Variants in TRIM6 observed in about 807,000 individuals in gnomAD.
TRIM6 encodes tripartite motif-containing protein 6.
A neutral mutation model predicts 51.2 loss-of-function variants in TRIM6; 43 were observed. That is an observed-to-expected ratio of 0.84 (90% confidence interval 0.66 to 1.08). TRIM6 has a LOEUF of 1.08. Among genes scored for constraint, TRIM6 ranks in the 50% least tolerant of loss-of-function variants. The pLI, the probability that TRIM6 is intolerant of heterozygous loss-of-function variation, is 0.00. For synonymous variants in TRIM6, 215 were observed against 232.4 expected, an observed-to-expected ratio of 0.93 and a Z score of 0.68; for missense variants, 669 against 619.0, an observed-to-expected ratio of 1.08 and a Z score of -0.86.
Position 5,609,104 on chromosome 11 carries a change from G to A in TRIM6, c.857+710G>A, listed in dbSNP as rs144432553. Among the ~76,000 whole-genome samples, 18 of 152,082 alleles carry A rather than the reference G, an allele frequency of 1.2e-4. No individual in the cohort carries two copies. The East Asian group carries it at 3.5e-3, about 30-fold the overall frequency. ...AAAAACGTAAACCCGAGCTCTGGAG[G>A]ATAATAATTTAGCCCGGGAATCAAA... On this transcript the variant is annotated intron_variant, in intron 5 of 7. Coordinates refer to ENST00000380097, the MANE Select transcript of TRIM6 (RefSeq NM_001003818.3).
rs1383466946 is a variant in TRIM6, at chr11:5,610,862, AG to A, written c.1072del (p.Val358TyrfsTer30). The A allele has an allele frequency of 6.2e-7, 1 of 1,614,184 alleles. No homozygotes were observed. ...RRQVRFVGAK[V>X]SGPSCLEKHY... is the part of the protein sequence containing the mutation. ...GACAAGTGAGGTTTGTGGGAGCTAA[AG>A]TATCTGGACCTTCCTGTCTGGAAAA... On this transcript the variant is annotated frameshift_variant, in exon 8 of 8. Coordinates refer to ENST00000380097, the MANE Select transcript of TRIM6 (RefSeq NM_001003818.3). LOFTEE classifies it low-confidence loss of function (END_TRUNC).
At position 5,611,672 on chromosome 11, in the gene TRIM6, C is replaced by T; in HGVS notation, c.*330C>T. Reference sequence around the variant, plus strand: ...TTCACCGTGTTGGCCAGGCTGATCTCGAACTCCTGACCGCAAGTGATCCAC... The same window carrying T: ...TTCACCGTGTTGGCCAGGCTGATCTTGAACTCCTGACCGCAAGTGATCCAC... On this transcript the variant is annotated 3_prime_UTR_variant, in exon 8 of 8. Coordinates refer to ENST00000380097, the MANE Select transcript of TRIM6 (RefSeq NM_001003818.3). The T allele has an allele frequency of 4.3e-6, 1 of 231,928 alleles. No homozygotes were observed. 14.4% of individuals were successfully genotyped at this position (231,928 alleles called of 1,614,324 possible). A position where few individuals can be genotyped will look rare whatever the true frequency, so the allele number is the denominator to read the frequency against.
intron 4 of TRIM6, among the ~76,000 whole-genome samples, chr11:5,606,996 G>A (rs1346281678): frequency 1.3e-5 from 2 of 152,168 alleles, no homozygotes; most frequent in Non-Finnish European, 2.9e-5. Context: ...GAGGTCAGGA[G>A]ATTGAGACCA....
chr11:5,610,593 C>T, intron 7 of TRIM6, 32 bp downstream of exon 7: 2 of 1,605,200 alleles, frequency 1.2e-6, no homozygotes, highest in African/African-American at 2.7e-5. Context: ...TTTGGGCTGG[C>T]ACATTCTGAT....
At chr11:5,596,983 G>C in intron 1 of TRIM6, 69 bp downstream of exon 1, 3 of 1,610,906 alleles carry the variant, frequency 1.9e-6, no homozygotes, top group Non-Finnish European at 2.5e-6. Context: ...CAGTGAAAGA[G>C]ATAAGGTCCT....
intron 7 of TRIM6, 106 bp from the exon 8 acceptor site, chr11:5,610,671 G>T: frequency 6.4e-7 from 1 of 1,567,028 alleles, no homozygotes; most frequent in Non-Finnish European, 8.7e-7. Context: ...CCCCATCCCC[G>T]CCATATAGTT....
At position 5,596,888 on chromosome 11, in the gene TRIM6, C is replaced by T. The variant is rs770062768; in HGVS notation, c.-10C>T. On this transcript the variant is annotated 5_prime_UTR_variant, in exon 1 of 8. Transcript: ENST00000380097. ...TTACATCTGGAACTTCTTGGCTTCT[C>T]ATTCCCCAGATGTGCGGGTCAGAGA... 4.3e-6 allele frequency: 7 copies of T among 1,613,982 alleles called. No individual in the cohort carries two copies. The highest frequency in any genetic ancestry group is 3.3e-5 in the South Asian group (3 of 91,064).
chr11:5,610,316 C>T, intron 6 of TRIM6, 71 bp downstream of exon 6: 1 of 1,604,388 alleles, frequency 6.2e-7, no homozygotes, highest in Non-Finnish European at 8.5e-7. Flanking sequence ...GGGATAGAGG[C>T]TATAGTCGGT....
intron 1 of TRIM6, among the ~76,000 whole-genome samples, chr11:5,602,028 A>G (rs1847888428): frequency 6.6e-6 from 1 of 152,160 alleles, no homozygotes; most frequent in Non-Finnish European, 1.5e-5. Context: ...GAGGACCTAT[A>G]TGTCAGGCTC....
chr11:5,602,982 AGACAGT>A (rs941824657), intron 1 of TRIM6, among the ~76,000 whole-genome samples: 1 of 152,120 alleles, frequency 6.6e-6, no homozygotes, highest in Admixed American at 6.6e-5. Context: ...AAGATCACAC[AGACAGT>A]GACTCACACA....
At chr11:5,610,325 G>A (rs559723059) in intron 6 of TRIM6, 80 bp downstream of exon 6, 3 of 1,599,854 alleles carry the variant, frequency 1.9e-6, no homozygotes, top group Non-Finnish European at 2.6e-6. Context: ...GCTATAGTCG[G>A]TATTTGAGCA....
intron 1 of TRIM6, among the ~76,000 whole-genome samples, chr11:5,597,759 C>G (rs548107717): frequency 6.6e-6 from 1 of 152,242 alleles, no homozygotes; most frequent in African/African-American, 2.4e-5. Context: ...ATGCAAGCTT[C>G]CATTCTAAAA....
chr11:5,601,747 G>A (rs1263521943), intron 1 of TRIM6, among the ~76,000 whole-genome samples: 1 of 152,196 alleles, frequency 6.6e-6, no homozygotes, highest in Non-Finnish European at 1.5e-5. Context: ...GATAGAGCAA[G>A]ACTCAGTTTC....
intron 1 of TRIM6, among the ~76,000 whole-genome samples, chr11:5,598,321 C>G (rs900967554): frequency 6.6e-6 from 1 of 152,212 alleles, no homozygotes; most frequent in Non-Finnish European, 1.5e-5. Context: ...CAATTTCTTT[C>G]CCAAGCCTCA....
rs1020601574 is a variant in TRIM6 at position 5,604,737 on chromosome 11, G to T, written c.603+108G>T. On this transcript the variant is annotated intron_variant, in intron 3 of 7. Transcript: ENST00000380097. Reference sequence around the variant, plus strand: ...TGTCTGTCCTCTGATGCCATGACTAGAAGAGCTTCCCTTTGCCTGGTCCTC... The same window carrying T: ...TGTCTGTCCTCTGATGCCATGACTATAAGAGCTTCCCTTTGCCTGGTCCTC... 5.4e-5 allele frequency: 65 copies of T among 1,207,324 alleles called. 1 individual carries two copies. Among genetic ancestry groups the T allele is most frequent in the Admixed American group, 2.7e-5 (1 of 37,130 alleles). The allele number at this position is 1,207,324 out of a possible 1,614,324, so 74.8% of individuals were successfully genotyped here.
At chr11:5,601,874 T>A (rs1361604607) in intron 1 of TRIM6, among the ~76,000 whole-genome samples, 2 of 151,948 alleles carry the variant, frequency 1.3e-5, no homozygotes, top group Non-Finnish European at 2.9e-5. Context: ...CGTTAAGAAG[T>A]GGAAGTGTTT....
At chr11:5,610,648 G>A (rs1305958829) in intron 7 of TRIM6, 87 bp downstream of exon 7, 5 of 1,572,546 alleles carry the variant, frequency 3.2e-6, no homozygotes, top group Non-Finnish European at 4.3e-6. Context: ...CAGATCCTAG[G>A]TGTTGATGCC....
upstream of TRIM6, among the ~76,000 whole-genome samples, chr11:5,596,344 A>T (rs1370495256): frequency 1.3e-5 from 2 of 152,068 alleles, no homozygotes; most frequent in African/African-American, 4.8e-5. Context: ...GGGAGCACAG[A>T]AGAGGCACCT....
At position 5,596,910 on chromosome 11, in the gene TRIM6, G is replaced by A; in HGVS notation, c.13G>A (p.Glu5Lys). 1 of 1,614,130 alleles carries A rather than the reference G, an allele frequency of 6.2e-7. No individual in the cohort carries two copies. The highest frequency in any genetic ancestry group is 1.7e-5 in the Admixed American group (1 of 60,022). The change falls in exon 1 of 8, where the codon GAG becomes AAG. Residue 5 changes from glutamate to lysine, a missense_variant. Transcript: ENST00000380097. ...TCTCATTCCCCAGATGTGCGGGTCA[G>A]AGAGGTATGTCTACCGTTCTGTTGA... MCGSERILQAGNILE... is the reference protein window; with the variant it reads MCGSKRILQAGNILE...
Sources: allele counts gnomAD v4.1 joint callset (sites outside exome capture counted in the v4.1 genomes callset), GRCh38; gene constraint gnomAD v4.1.1; transcripts MANE v1.5; gene names NCBI Gene and HGNC (gene_info 2026-07-23, HGNC 2026-07-21).